TOM1L2: variants seen among roughly 807,000 people sequenced by gnomAD.
The protein encoded by TOM1L2 is TOM1-like protein 2.
Under a neutral mutation model 67.9 loss-of-function variants are expected in TOM1L2, and 31 were observed. The ratio of observed to expected loss-of-function variants is 0.46; its 90% CI spans 0.34 to 0.62. The LOEUF is 0.62. TOM1L2 is among the 20% of genes least tolerant of loss of function. The pLI, the probability that TOM1L2 is intolerant of heterozygous loss-of-function variation, is 0.01. For missense variants in TOM1L2, 606 were observed against 663.5 expected, an observed-to-expected ratio of 0.91 and a Z score of 0.95; for synonymous variants, 256 against 254.0, an observed-to-expected ratio of 1.01 and a Z score of -0.07.
At chr17:17,897,018 G>C (rs2038610281) in intron 3 of TOM1L2, among the ~76,000 whole-genome samples, 1 of 152,190 alleles carries the variant, frequency 6.6e-6, no homozygotes, top group Non-Finnish European at 1.5e-5. Context: ...TTGTAGTGAA[G>C]ACCTAACCCA....
intron 1 of TOM1L2, among the ~76,000 whole-genome samples, chr17:17,918,687 C>T (rs1027776019): frequency 1.4e-4 from 22 of 152,310 alleles, no homozygotes; most frequent in African/African-American, 4.8e-4. Context: ...TCTTTGCTGC[C>T]GCCCACAAGA....
intron 4 of TOM1L2, among the ~76,000 whole-genome samples, chr17:17,886,889 C>T (rs936084300): frequency 3.9e-5 from 6 of 152,216 alleles, no homozygotes; most frequent in Non-Finnish European, 7.3e-5. Context: ...CTCCTCCTTC[C>T]AGGAACTCAG....
At chr17:17,957,729 C>A (rs2041517176) in intron 1 of TOM1L2, among the ~76,000 whole-genome samples, 1 of 151,644 alleles carries the variant, frequency 6.6e-6, no homozygotes, top group South Asian at 2.1e-4. Context: ...ACTTACATAT[C>A]ACAGGCTATA....
intron 1 of TOM1L2, among the ~76,000 whole-genome samples, chr17:17,953,804 G>T (rs1402854240): frequency 6.6e-6 from 1 of 152,244 alleles, no homozygotes; most frequent in African/African-American, 2.4e-5. Context: ...ACAAAGTCAA[G>T]AGGGTTAAAT....
intron 1 of TOM1L2, among the ~76,000 whole-genome samples, chr17:17,918,399 A>T (rs1278821467): frequency 6.6e-6 from 1 of 152,136 alleles, no homozygotes; most frequent in African/African-American, 2.4e-5. Context: ...AATTTCCAAT[A>T]CCATGTTGAA....
At chr17:17,910,001 C>T (rs1040369917) in intron 1 of TOM1L2, among the ~76,000 whole-genome samples, 2 of 152,150 alleles carry the variant, frequency 1.3e-5, no homozygotes, top group Non-Finnish European at 2.9e-5. Context: ...TGCATTCCAG[C>T]CTAGGCAACA....
intron 1 of TOM1L2, among the ~76,000 whole-genome samples, chr17:17,930,927 T>C (rs1276562014): frequency 2.6e-5 from 4 of 152,294 alleles, no homozygotes; most frequent in East Asian, 1.9e-4. Context: ...GGATTTTTTT[T>C]CCCTAACAGT....
In TOM1L2 at chr17:17,955,325, C is replaced by CTT. The variant is rs67575563; in HGVS notation, c.52+16935_52+16936dup. 2.9e-3 allele frequency among the ~76,000 whole-genome samples: 309 copies of CTT among 108,170 alleles called. 3 individuals are homozygous for CTT. The highest frequency in any genetic ancestry group is 8.6e-3 in the Middle Eastern group (1 of 116). 71.0% of individuals were successfully genotyped at this position (108,170 alleles called of 152,430 possible). On this transcript the variant is annotated intron_variant, in intron 1 of 14. Coordinates refer to ENST00000379504, the MANE Select transcript of TOM1L2 (RefSeq NM_001082968.2). The stretch of plus-strand genomic sequence containing the variant: ...GGCAGGACCCCAGACCACACAATTC[C>CTT]TTTTTTTTTTTTTTTTTTTTTTTTT...
chr17:17,950,587 G>A (rs926655314), intron 1 of TOM1L2, among the ~76,000 whole-genome samples: 2 of 152,156 alleles, frequency 1.3e-5, no homozygotes, highest in Admixed American at 6.5e-5. Context: ...CCATTCTAAT[G>A]AGAGTGAGTC....
chr17:17,957,998 G>A (rs2041533954), intron 1 of TOM1L2, among the ~76,000 whole-genome samples: 2 of 151,918 alleles, frequency 1.3e-5, no homozygotes, highest in Admixed American at 6.6e-5. Flanking sequence ...GCTGAGGCAG[G>A]AGAATGGTGT....
intron 4 of TOM1L2, among the ~76,000 whole-genome samples, chr17:17,892,447 T>G (rs1014802943): frequency 6.6e-6 from 1 of 152,174 alleles, no homozygotes; most frequent in Non-Finnish European, 1.5e-5. Context: ...TGTTGACTTA[T>G]GTGCCTTCTG....
At chr17:17,930,376 T>C (rs766416704) in intron 1 of TOM1L2, among the ~76,000 whole-genome samples, 20 of 152,096 alleles carry the variant, frequency 1.3e-4, no homozygotes, top group Non-Finnish European at 2.5e-4. Context: ...AAGGGGGGTC[T>C]GGGAATGTGT....
chr17:17,943,429 T>C (rs1258488966), intron 1 of TOM1L2, among the ~76,000 whole-genome samples: 1 of 152,118 alleles, frequency 6.6e-6, no homozygotes, highest in Non-Finnish European at 1.5e-5. Flanking sequence ...TCCTGCTGCC[T>C]GGAGAGTGCA....
chr17:17,945,836 C>T (rs1033274330), intron 1 of TOM1L2, among the ~76,000 whole-genome samples: 4 of 152,098 alleles, frequency 2.6e-5, no homozygotes, highest in African/African-American at 4.8e-5. Flanking sequence ...TCTGCCACCA[C>T]CCTAATTCAA....
At chr17:17,884,379 T>A (rs535995843) in intron 5 of TOM1L2, among the ~76,000 whole-genome samples, 28 of 152,300 alleles carry the variant, frequency 1.8e-4, no homozygotes, top group Middle Eastern at 6.8e-3. Flanking sequence ...TCCGCCCAAG[T>A]AGCCATTTCC....
intron 2 of TOM1L2, among the ~76,000 whole-genome samples, chr17:17,903,872 A>AGAGGTGACGGGATCTACTTAGTGAG (rs1568223079): frequency 6.6e-6 from 1 of 151,674 alleles, no homozygotes; most frequent in East Asian, 1.9e-4. Flanking sequence ...TACTTAGTGA[A>AGAGGTGACGGGATCTACTTAGTGAG]AGAGGTGACG....
intron 2 of TOM1L2, 95 bp from the exon 3 acceptor site, chr17:17,898,769 G>T: frequency 8.3e-7 from 1 of 1,198,076 alleles, no homozygotes; most frequent in Non-Finnish European, 1.2e-6. Context: ...AAGACTATTT[G>T]CTGGCTGCAG....
At chr17:17,929,630 C>T (rs1317971772) in intron 1 of TOM1L2, among the ~76,000 whole-genome samples, 1 of 152,020 alleles carries the variant, frequency 6.6e-6, no homozygotes, top group Non-Finnish European at 1.5e-5. Flanking sequence ...AAAACTCCAT[C>T]TCAAAAACAA....
At position 17,893,671 on chromosome 17, in the gene TOM1L2, G is replaced by A; in HGVS notation, c.356C>T (p.Ala119Val). 1 of 1,614,020 alleles carries A rather than the reference G, an allele frequency of 6.2e-7. No homozygotes were observed. The highest frequency in any genetic ancestry group is 1.1e-5 in the South Asian group (1 of 91,054). The change falls in exon 4 of 15, where the codon GCT (alanine) becomes GTT (valine). Residue 119 changes from alanine (A) to valine (V), a missense_variant. Transcript: ENST00000379504. The stretch of plus-strand genomic sequence containing the variant: ...AGGGGTCCAACCTACCTGGATCAGA[G>A]CAAGCACTTTGTCCTGTACAATGGT... Reference protein sequence around the residue: ...PPTIVQDKVLALIQAWADAFR... With the variant: ...PPTIVQDKVLVLIQAWADAFR...
Sources: allele counts gnomAD v4.1 joint callset (sites outside exome capture counted in the v4.1 genomes callset), GRCh38; gene constraint gnomAD v4.1.1; transcripts MANE v1.5; gene names NCBI Gene and HGNC (gene_info 2026-07-23, HGNC 2026-07-21).